GRM5: variants seen among roughly 807,000 people sequenced by gnomAD.
GRM5 encodes the protein metabotropic glutamate receptor 5.
Under a neutral mutation model 83.1 loss-of-function variants are expected in GRM5, and 19 were observed. The ratio of observed to expected loss-of-function variants is 0.23; its 90% CI spans 0.16 to 0.34. The LOEUF (loss-of-function observed/expected upper bound fraction) is 0.34. Ranked by LOEUF, GRM5 falls within the 10% of genes least tolerant of loss-of-function variation. The pLI, the probability that GRM5 is intolerant of heterozygous loss-of-function variation, is 1.00. For missense variants in GRM5, 1,160 were observed against 1,588.3 expected (o/e 0.73, Z 4.58); for synonymous variants, 675 against 633.6 (o/e 1.07, Z -0.98).
chr11:88,557,449 A>T (rs1942655453), intron 8 of GRM5, among the ~76,000 whole-genome samples: 1 of 152,132 alleles, frequency 6.6e-6, no homozygotes, highest in Non-Finnish European at 1.5e-5. Context: ...GGAGGTAGCC[A>T]TGAGTATTAT....
intron 5 of GRM5, among the ~76,000 whole-genome samples, chr11:88,597,818 T>G (rs183948424): frequency 1.1e-4 from 16 of 152,260 alleles, no homozygotes; most frequent in African/African-American, 3.8e-4. Context: ...TTTCTTACTT[T>G]GCCCATTATC....
chr11:88,997,095 C>G (rs540127655), intron 2 of GRM5, among the ~76,000 whole-genome samples: 4 of 152,100 alleles, frequency 2.6e-5, no homozygotes, highest in Non-Finnish European at 5.9e-5. Context: ...GAGGCTGAGG[C>G]AGGTAGATCA....
chr11:88,759,053 C>A (rs1223623653), intron 3 of GRM5, among the ~76,000 whole-genome samples: 2 of 152,080 alleles, frequency 1.3e-5, no homozygotes, highest in African/African-American at 2.4e-5. Context: ...CTGTTACCAC[C>A]AAACCTGCCT....
intron 3 of GRM5, among the ~76,000 whole-genome samples, chr11:88,720,793 ACT>A (rs1491205905): frequency 8.3e-6 from 1 of 120,668 alleles, no homozygotes; most frequent in Non-Finnish European, 1.6e-5. Context: ...GAAAATCATT[ACT>A]CTGTGTGTGT....
intron 2 of GRM5, among the ~76,000 whole-genome samples, chr11:89,029,626 C>G (rs1357548023): frequency 6.6e-6 from 1 of 152,138 alleles, no homozygotes; most frequent in Non-Finnish European, 1.5e-5. Context: ...TTCAAGTTTT[C>G]TTAACACCAG....
chr11:88,903,567 T>C (rs1473028977), intron 2 of GRM5, among the ~76,000 whole-genome samples: 2 of 152,126 alleles, frequency 1.3e-5, no homozygotes, highest in African/African-American at 4.8e-5. Flanking sequence ...TATTCAGCCA[T>C]TAAAAAGAAC....
At chr11:88,930,720 T>C (rs1235046207) in intron 2 of GRM5, among the ~76,000 whole-genome samples, 3 of 152,074 alleles carry the variant, frequency 2.0e-5, no homozygotes, top group Non-Finnish European at 4.4e-5. Context: ...GCTAATTTTT[T>C]GTATTTTTAG....
chr11:89,064,888 C>CTCTCTCTCTGTGTGTGTGTGTG (rs1218318990), intron 1 of GRM5, among the ~76,000 whole-genome samples: 29 of 62,242 alleles, frequency 4.7e-4, no homozygotes, highest in African/African-American at 1.9e-3. Flanking sequence ...CTCTCTCTCT[C>CTCTCTCTCTGTGTGTGTGTGTG]TGTGTGTGTG....
chr11:88,708,491 G>A lies in GRM5; in HGVS notation c.912-55088C>T, dbSNP rs370606903. Among the ~76,000 whole-genome samples, 9 of 152,114 alleles carry A rather than the reference G, an allele frequency of 5.9e-5. No homozygotes were observed. The South Asian group carries it at 1.0e-3, about 18-fold the overall frequency. On this transcript the variant is annotated intron_variant, in intron 3 of 9. Transcript: ENST00000305447. ...ACTTTGAGGTATGAGTATTGTTTTC[G>A]AATTGTGTCTCTGTCACTTAACATG...
intron 2 of GRM5, among the ~76,000 whole-genome samples, chr11:88,891,617 T>G (rs1456200971): frequency 1.8e-5 from 2 of 112,996 alleles, no homozygotes; most frequent in Non-Finnish European, 1.8e-5. Flanking sequence ...TGTCTCATAA[T>G]TAATTTTAAA....
chr11:88,918,092 A>C (rs1340714438), intron 2 of GRM5, among the ~76,000 whole-genome samples: 1 of 152,074 alleles, frequency 6.6e-6, no homozygotes, highest in Non-Finnish European at 1.5e-5. Flanking sequence ...AGAAAAAAAG[A>C]AACAACATAC....
At chr11:88,965,478 TATTA>T (rs1018235822) in intron 2 of GRM5, among the ~76,000 whole-genome samples, 5 of 152,160 alleles carry the variant, frequency 3.3e-5, no homozygotes, top group Non-Finnish European at 7.4e-5. Context: ...GATTTCAACA[TATTA>T]ATTTGGGTTG....
intron 3 of GRM5, among the ~76,000 whole-genome samples, chr11:88,658,204 G>T (rs1939815091): frequency 6.6e-6 from 1 of 152,122 alleles, no homozygotes; most frequent in Admixed American, 6.6e-5. Context: ...CTTATGAGAT[G>T]GAACAGTTTC....
intron 9 of GRM5, among the ~76,000 whole-genome samples, chr11:88,521,245 G>A (rs1369383812): frequency 4.6e-5 from 7 of 151,992 alleles, no homozygotes; most frequent in Non-Finnish European, 7.4e-5. Flanking sequence ...GTGAAACCCC[G>A]TCTCTACTAA....
chr11:88,655,210 G>T (rs910780054), intron 3 of GRM5, among the ~76,000 whole-genome samples: 1 of 152,026 alleles, frequency 6.6e-6, no homozygotes, highest in African/African-American at 2.4e-5. Flanking sequence ...CTTCCCTCAA[G>T]TTTCCCATTT....
At chr11:88,573,554 A>G (rs1317043693) in intron 7 of GRM5, among the ~76,000 whole-genome samples, 1 of 152,204 alleles carries the variant, frequency 6.6e-6, no homozygotes, top group African/African-American at 2.4e-5. Flanking sequence ...ATCTCTGAGA[A>G]TAAGATGTAT....
chr11:88,566,369 C>T (rs1484007107), intron 8 of GRM5, among the ~76,000 whole-genome samples: 6 of 152,078 alleles, frequency 3.9e-5, no homozygotes, highest in African/African-American at 2.4e-5. Flanking sequence ...TTGAAATGGT[C>T]GAATAACTAC....
chr11:88,559,933 G>A (rs985283224), intron 8 of GRM5, among the ~76,000 whole-genome samples: 5 of 152,160 alleles, frequency 3.3e-5, no homozygotes, highest in African/African-American at 1.2e-4. Flanking sequence ...TGCAGTCTCA[G>A]AGGGCCAGGA....
intron 3 of GRM5, among the ~76,000 whole-genome samples, chr11:88,846,261 C>A (rs572557522): frequency 4.0e-4 from 61 of 152,256 alleles, no homozygotes; most frequent in African/African-American, 1.3e-3. Flanking sequence ...TCAAGTAATT[C>A]TTTCCCAGAT....
Sources: allele counts gnomAD v4.1 joint callset (sites outside exome capture counted in the v4.1 genomes callset), GRCh38; gene constraint gnomAD v4.1.1; transcripts MANE v1.5; gene names NCBI Gene and HGNC (gene_info 2026-07-23, HGNC 2026-07-21).